The following ABCG8 variants were observed in gnomAD, a reference collection of about 807,000 sequenced individuals.
ABCG8 encodes ATP binding cassette subfamily G member 8, also known as ATP-binding cassette sub-family G member 8.
A neutral mutation model predicts 71.3 loss-of-function variants in ABCG8; 81 were observed. That is an observed-to-expected ratio of 1.14 (90% CI 0.95 to 1.37). The LOEUF (loss-of-function observed/expected upper bound fraction) is 1.37. Ranked by LOEUF, ABCG8 falls within the 40% of genes most tolerant of loss-of-function variation. The pLI, the probability that ABCG8 is intolerant of heterozygous loss-of-function variation, is 0.00. For synonymous variants in ABCG8, 451 were observed against 354.7 expected (o/e 1.27, Z -3.05); for missense variants, 1,119 against 866.2 (o/e 1.29, Z -3.66).
intron 6 of ABCG8, among the ~76,000 whole-genome samples, chr2:43,862,402 A>C (rs2104932933): frequency 1.3e-5 from 2 of 151,040 alleles, no homozygotes; most frequent in East Asian, 2.0e-4. Flanking sequence ...AACTCTCACT[A>C]TCTATATGGA....
chr2:43,857,825 T>C (rs926502340), intron 6 of ABCG8, among the ~76,000 whole-genome samples: 12 of 151,694 alleles, frequency 7.9e-5, no homozygotes, highest in Admixed American at 2.6e-4. Context: ...CCTGTCTAGA[T>C]ACAATTTTCA....
Position 43,873,817 on chromosome 2 carries a change from G to C in ABCG8, c.1242G>C (p.Leu414=). The C allele has an allele frequency of 6.2e-7, 1 of 1,614,034 alleles. No individual in the cohort carries two copies. Among genetic ancestry groups the C allele is most frequent in the Non-Finnish European group, 8.5e-7 (1 of 1,179,998 alleles). ...AGATTTCCAACGACTTCCGAGACCT[G>C]CCCACCCTCCTCATCCATGGGGCGG... ...RRQISNDFRD[L]PTLLIHGAEA... Residue 414 remains leucine, a synonymous_variant, in exon 9 of 13, where the codon CTG becomes CTC. Coordinates refer to ENST00000272286, the MANE Select transcript of ABCG8 (RefSeq NM_022437.3).
rs1225077783 is a variant in ABCG8 at position 43,877,973 on chromosome 2, C to A, written c.*60C>A. The A allele has an allele frequency of 6.2e-6, 10 of 1,611,898 alleles. No individual in the cohort carries two copies. The highest frequency in any genetic ancestry group is 8.5e-6 in the Non-Finnish European group (10 of 1,179,096). ...TGAGCAGACCCTTCAACTGCACTCC[C>A]TCCTCAGGAGCCCCTTCCTGGGGAC... On this transcript the variant is annotated 3_prime_UTR_variant, in exon 13 of 13. Coordinates refer to ENST00000272286, the MANE Select transcript of ABCG8 (RefSeq NM_022437.3).
intron 3 of ABCG8, among the ~76,000 whole-genome samples, chr2:43,848,886 G>C (rs560008039): frequency 6.6e-6 from 1 of 151,968 alleles, no homozygotes; most frequent in African/African-American, 2.4e-5. Flanking sequence ...GCTGGGCGTG[G>C]TGGCACGTGC....
chr2:43,867,359 A>AT (rs1669566544), intron 6 of ABCG8, among the ~76,000 whole-genome samples: 1 of 151,644 alleles, frequency 6.6e-6, no homozygotes, highest in Admixed American at 6.6e-5. Flanking sequence ...AAAAAAAAAA[A>AT]GAATTCTCAC....
At chr2:43,870,300 G>T (rs1382375188) in intron 6 of ABCG8, among the ~76,000 whole-genome samples, 2 of 150,730 alleles carry the variant, frequency 1.3e-5, no homozygotes, top group African/African-American at 2.4e-5. Flanking sequence ...TCACTATCTG[G>T]ATAGAATTCT....
chr2:43,876,391 T>A (rs1270381891), intron 11 of ABCG8, among the ~76,000 whole-genome samples: 2 of 152,162 alleles, frequency 1.3e-5, no homozygotes, highest in Non-Finnish European at 2.9e-5. Flanking sequence ...TAAGAGAGAC[T>A]GTGTGACTGT....
chr2:43,873,256 T>C (rs2104946529), intron 8 of ABCG8, among the ~76,000 whole-genome samples: 1 of 152,000 alleles, frequency 6.6e-6, no homozygotes, highest in African/African-American at 2.4e-5. Context: ...TAGGGCAATC[T>C]TGGCTCACTG....
Position 43,873,994 on chromosome 2 carries a change from T to TGGCC in ABCG8, c.1411+9_1411+12dup. The TGGCC allele has an allele frequency of 1.2e-6, 2 of 1,613,730 alleles. No homozygotes were observed. The highest frequency in any genetic ancestry group is 2.7e-5 in the African/African-American group (2 of 75,056). ...TGGATGTCATCTCCAAATGTGAGTG[T>TGGCC]GGCCCACTGGCATGGGCAGGCAGGA... On this transcript the variant is annotated intron_variant, in intron 9 of 12. Coordinates refer to ENST00000272286, the MANE Select transcript of ABCG8 (RefSeq NM_022437.3).
In ABCG8 at chr2:43,872,233, C is replaced by G; in HGVS notation, c.1138C>G (p.Pro380Ala). The change falls in exon 8 of 13, where the codon CCA becomes GCA. Residue 380 changes from proline (P) to alanine (A), a missense_variant. Physicochemically the swap from Pro to Ala is conservative, Grantham distance 27 (BLOSUM62 -1). Coordinates refer to ENST00000272286, the MANE Select transcript of ABCG8 (RefSeq NM_022437.3). ...EDTCVESSVT[P>A]LDTNCLPSPT... is the part of the protein sequence containing the mutation. The stretch of plus-strand genomic sequence containing the variant: ...TCTTCTGCCTCCCAGCAGCGTGACC[C>G]CACTAGACACCAACTGCCTCCCGAG... The G allele has an allele frequency of 6.2e-7, 1 of 1,614,006 alleles. No homozygotes were observed. Among genetic ancestry groups the G allele is most frequent in the Non-Finnish European group, 8.5e-7 (1 of 1,180,030 alleles).
At chr2:43,859,820 A>G (rs1415510224) in intron 6 of ABCG8, among the ~76,000 whole-genome samples, 1 of 148,686 alleles carries the variant, frequency 6.7e-6, no homozygotes, top group Non-Finnish European at 1.5e-5. Context: ...TAGAATTCTC[A>G]CCATCTAGTT....
At position 43,846,303 on chromosome 2, in the gene ABCG8, G is replaced by A. The variant is rs141300867; in HGVS notation, c.314G>A (p.Gly105Glu). The change falls in exon 3 of 13, where the codon GGG becomes GAG. Residue 105 changes from glycine to glutamate, a missense_variant. Coordinates refer to ENST00000272286, the MANE Select transcript of ABCG8 (RefSeq NM_022437.3). ...AGTGGGCAGATGCTGGCCATCATAG[G>A]GAGCTCAGGTACCGGAAAGGCAAAT... is the stretch of plus-strand genomic sequence containing the variant. ...VRSGQMLAII[G>E]SSGCGRASLL... The A allele has an allele frequency of 6.2e-7, 1 of 1,614,064 alleles. No homozygotes were observed.
intron 6 of ABCG8, among the ~76,000 whole-genome samples, chr2:43,863,874 C>CCA (rs1669426100): frequency 6.6e-6 from 1 of 151,642 alleles, no homozygotes; most frequent in African/African-American, 2.4e-5. Context: ...AGAATTCTCA[C>CCA]TCTCTGGATA....
At chr2:43,841,011 C>T (rs540736960) in intron 1 of ABCG8, among the ~76,000 whole-genome samples, 2 of 152,358 alleles carry the variant, frequency 1.3e-5, no homozygotes, top group Admixed American at 6.5e-5. Flanking sequence ...AACCCACAAA[C>T]TCCTCATGCC....
intron 6 of ABCG8, among the ~76,000 whole-genome samples, chr2:43,868,917 C>T (rs930615765): frequency 2.6e-5 from 4 of 151,994 alleles, no homozygotes; most frequent in Non-Finnish European, 5.9e-5. Context: ...AGAATTCTCA[C>T]TCTGTGGATA....
chr2:43,857,146 GAA>G (rs897671311), intron 6 of ABCG8, among the ~76,000 whole-genome samples: 1 of 151,526 alleles, frequency 6.6e-6, no homozygotes, highest in African/African-American at 2.4e-5. Flanking sequence ...TATCTGGATA[GAA>G]TTCTCACTCT....
intron 3 of ABCG8, among the ~76,000 whole-genome samples, chr2:43,848,793 A>G (rs972718441): frequency 2.6e-5 from 4 of 152,092 alleles, no homozygotes; most frequent in Admixed American, 2.6e-4. Flanking sequence ...AGGCAAGTGG[A>G]TCACCTGAGG....
At chr2:43,844,253 T>C (rs1361170476) in intron 1 of ABCG8, among the ~76,000 whole-genome samples, 3 of 152,124 alleles carry the variant, frequency 2.0e-5, no homozygotes, top group Non-Finnish European at 2.9e-5. Context: ...CAGCCTGAGG[T>C]TGAGGTTCTC....
At chr2:43,870,342 G>T (rs1669719570) in intron 6 of ABCG8, among the ~76,000 whole-genome samples, 1 of 151,442 alleles carries the variant, frequency 6.6e-6, no homozygotes, top group African/African-American at 2.4e-5. Flanking sequence ...TATCTATATG[G>T]AAAGAATTCA....
Sources: gnomAD v4.1 joint callset for allele counts (sites outside exome capture counted in the v4.1 genomes callset) on GRCh38, gnomAD v4.1.1 for gene constraint, MANE v1.5 for transcripts, NCBI Gene and HGNC (gene_info 2026-07-23, HGNC 2026-07-21) for gene names.